The following ALPL variants were observed in gnomAD, a reference collection of about 807,000 sequenced individuals.
ALPL encodes the protein alkaline phosphatase, tissue-nonspecific isozyme.
A neutral mutation model predicts 51.3 loss-of-function variants in ALPL; 42 were observed. The observed-to-expected ratio is 0.82, with a 90% CI of 0.64 to 1.06. ALPL has a LOEUF of 1.06. Among genes scored for constraint, ALPL ranks in the 50% least tolerant of loss-of-function variants. The probability of loss-of-function intolerance (pLI) is 0.00; values close to 1 mark genes in which losing one functional copy is unlikely to be tolerated. For missense variants in ALPL, 589 were observed against 709.4 expected, an observed-to-expected ratio of 0.83 and a Z score of 1.93; for synonymous variants, 279 against 296.4, an observed-to-expected ratio of 0.94 and a Z score of 0.60.
At chr1:21,574,637 T>C (rs1353942526) in intron 9 of ALPL, 2 of 152,274 alleles carry the variant, frequency 1.3e-5, no homozygotes, top group Non-Finnish European at 2.9e-5. Flanking sequence ...CCAGCCCAGC[T>C]TGGCTGCTTT....
At chr1:21,514,651 G>A (rs1020577524) in intron 1 of ALPL, among the ~76,000 whole-genome samples, 13 of 152,152 alleles carry the variant, frequency 8.5e-5, no homozygotes, top group African/African-American at 2.7e-4. Context: ...AGGTCTCCAC[G>A]AATCAACTGC....
chr1:21,514,751 G>A (rs1221151873), intron 1 of ALPL, among the ~76,000 whole-genome samples: 4 of 152,134 alleles, frequency 2.6e-5, no homozygotes, highest in South Asian at 2.1e-4. Flanking sequence ...ACCTGCAGAC[G>A]ACTTCAGAAA....
At chr1:21,574,672 TCGAGCA>T (rs1200833940) in intron 9 of ALPL, 1 of 152,140 alleles carries the variant, frequency 6.6e-6, no homozygotes, top group Non-Finnish European at 1.5e-5. Context: ...GGGTTCCCAC[TCGAGCA>T]CAGCGGTCTT....
chr1:21,529,059 G>A (rs1260692269), intron 1 of ALPL, among the ~76,000 whole-genome samples: 1 of 137,278 alleles, frequency 7.3e-6, no homozygotes, highest in Non-Finnish European at 1.5e-5. Context: ...ACAAGAGCGA[G>A]ACTCCATCTC....
At chr1:21,563,545 C>T (rs916290151) in intron 5 of ALPL, among the ~76,000 whole-genome samples, 3 of 152,160 alleles carry the variant, frequency 2.0e-5, no homozygotes, top group African/African-American at 2.4e-5. Flanking sequence ...CGGGTGGGAA[C>T]GTAGCCCCCT....
rs1278797636 is a variant in ALPL at position 21,564,317 on chromosome 1, T to A, written c.648+101T>A. On this transcript the variant is annotated intron_variant, in intron 6 of 11. Transcript: ENST00000374840. The surrounding 1 kb of genome is among the most constrained non-coding windows in gnomAD (Gnocchi z 5.8). ...CTGGCCCGGAGAAAGCAGCCTGGCCTGGCTCCCCACACACCTGGGAGGCTC... is the reference window on the plus strand; with the variant it reads ...CTGGCCCGGAGAAAGCAGCCTGGCCAGGCTCCCCACACACCTGGGAGGCTC... The A allele has an allele frequency of 2.7e-6, 4 of 1,464,064 alleles. No homozygotes were observed. The highest frequency in any genetic ancestry group is 3.7e-6 in the Non-Finnish European group (4 of 1,070,538). The allele number at this position is 1,464,064 out of a possible 1,614,324, so 90.7% of individuals were successfully genotyped here. A position where few individuals can be genotyped will look rare whatever the true frequency, so the allele number is the denominator to read the frequency against.
At position 21,563,291 on chromosome 1, in the gene ALPL, CGGGGGAGCAGT is replaced by C; in HGVS notation, c.472+12_472+22del. 6.2e-7 allele frequency: 1 copy of C among 1,607,344 alleles called. No individual in the cohort carries two copies. Among genetic ancestry groups the C allele is most frequent in the Non-Finnish European group, 8.5e-7 (1 of 1,175,744 alleles). On this transcript the variant is annotated splice_region_variant and intron_variant, in intron 5 of 11. Transcript: ENST00000374840. ...CGCTGGGCCAAGGACGCTGGTGAGT[CGGGGGAGCAGT>C]GGGGAGCAGGGCCAGCTTCGTGGCC...
chr1:21,526,247 C>A (rs548185390), intron 1 of ALPL, among the ~76,000 whole-genome samples: 247 of 152,172 alleles, frequency 1.6e-3, no homozygotes, highest in Non-Finnish European at 3.0e-3. Flanking sequence ...TCAAGCTATT[C>A]TCCTGCATCA....
intron 2 of ALPL, among the ~76,000 whole-genome samples, chr1:21,558,934 G>A (rs933278632): frequency 1.3e-5 from 2 of 152,196 alleles, no homozygotes; most frequent in African/African-American, 4.8e-5. Flanking sequence ...TTCCTAATGT[G>A]GAGGAGACAC....
intron 1 of ALPL, among the ~76,000 whole-genome samples, chr1:21,527,998 C>T (rs1168058092): frequency 3.3e-5 from 4 of 119,456 alleles, no homozygotes; most frequent in African/African-American, 1.4e-4. Flanking sequence ...ATTGTGTGTA[C>T]GTGTTTTTTT....
intron 1 of ALPL, among the ~76,000 whole-genome samples, chr1:21,547,872 CCCCAGAT>C (rs1644273353): frequency 6.6e-6 from 1 of 152,168 alleles, no homozygotes; most frequent in East Asian, 1.9e-4. Context: ...CTATCATTTG[CCCCAGAT>C]CTTCTGAGAC....
chr1:21,558,016 G>A (rs987767618), intron 2 of ALPL, among the ~76,000 whole-genome samples: 5 of 152,252 alleles, frequency 3.3e-5, no homozygotes, highest in African/African-American at 9.6e-5. Context: ...CCCTTTCCCT[G>A]GCATTCTATC....
intron 1 of ALPL, among the ~76,000 whole-genome samples, chr1:21,513,343 G>T (rs971013477): frequency 1.3e-5 from 2 of 152,124 alleles, no homozygotes; most frequent in African/African-American, 2.4e-5. Context: ...AATTTGGTGT[G>T]TTTCATTTCT....
At chr1:21,562,616 T>A (rs965340817) in intron 4 of ALPL, among the ~76,000 whole-genome samples, 1 of 152,092 alleles carries the variant, frequency 6.6e-6, no homozygotes, top group Non-Finnish European at 1.5e-5. Flanking sequence ...GGCAACCCTG[T>A]GATGGTGGCC....
rs186165535 is a variant in ALPL, at chr1:21,518,437, G to C, written c.-105+8920G>C. On this transcript the variant is annotated intron_variant, in intron 1 of 11. Transcript: ENST00000374840. ...GACTCAGAGTAATTAGCCTGGGTTT[G>C]CCCAGCTGGTAAGTGTCGGAGCTAC... Among the ~76,000 whole-genome samples the C allele has an allele frequency of 5.9e-5, 9 of 152,206 alleles. No individual in the cohort carries two copies. The South Asian group carries it at 1.9e-3, about 32-fold the overall frequency.
chr1:21,510,953 T>C (rs969031773), intron 1 of ALPL, among the ~76,000 whole-genome samples: 1 of 152,212 alleles, frequency 6.6e-6, no homozygotes, highest in African/African-American at 2.4e-5. Context: ...TGGTGAAGAC[T>C]AGGCTGAGTG....
intron 8 of ALPL, 78 bp downstream of exon 8, chr1:21,570,452 A>G: frequency 6.8e-7 from 1 of 1,476,268 alleles, no homozygotes; most frequent in Non-Finnish European, 9.4e-7. Flanking sequence ...GCACCTGGGG[A>G]CAAGGCCCTA....
chr1:21,573,597 C>T, intron 8 of ALPL, 68 bp from the exon 9 acceptor site: 2 of 1,594,920 alleles, frequency 1.3e-6, no homozygotes, highest in Non-Finnish European at 1.7e-6. Context: ...GACACCCCAG[C>T]TTCCTTGGAG....
At chr1:21,566,893 G>A (rs1408483348) in intron 6 of ALPL, among the ~76,000 whole-genome samples, 1 of 152,156 alleles carries the variant, frequency 6.6e-6, no homozygotes, top group Non-Finnish European at 1.5e-5. Flanking sequence ...CACCGCGCCT[G>A]GCCAGTCGCA....
Sources: allele counts gnomAD v4.1 joint callset (sites outside exome capture counted in the v4.1 genomes callset), GRCh38; gene constraint gnomAD v4.1.1; non-coding constraint Gnocchi (gnomAD v3.1); transcripts MANE v1.5; gene names NCBI Gene and HGNC (gene_info 2026-07-23, HGNC 2026-07-21).